Variants in DMD observed in about 807,000 individuals in gnomAD.
DMD encodes dystrophin, also known as mutant dystrophin.
DMD carries 63 observed loss-of-function variants against 330.1 expected under a neutral mutation model. The ratio of observed to expected loss-of-function variants is 0.19; its 90% confidence interval spans 0.16 to 0.24. The LOEUF (loss-of-function observed/expected upper bound fraction) is 0.24, where lower values mean the gene tolerates loss of function less well. Ranked by LOEUF, DMD falls within the 10% of genes least tolerant of loss-of-function variation. The pLI is 1.00. For synonymous variants in DMD, 1,223 were observed against 959.8 expected, an observed-to-expected ratio of 1.27 and a Z score of -5.07; for missense variants, 3,344 against 2,684.1, an observed-to-expected ratio of 1.25 and a Z score of -5.43.
chrX:31,605,824 C>G (rs1226771887), intron 55 of DMD, among the ~76,000 whole-genome samples: 1 of 111,796 alleles, frequency 8.9e-6, no homozygotes, highest in Non-Finnish European at 1.9e-5. Flanking sequence ...TAGATATTCT[C>G]TACTAGTTGA....
intron 14 of DMD, 39 bp downstream of exon 14, chrX:32,573,706 C>A: frequency 8.4e-7 from 1 of 1,191,655 alleles, no homozygotes; most frequent in African/African-American, 1.7e-5. Context: ...TTAATATCCC[C>A]CCGTGTCTTT....
chrX:33,020,587 T>C (rs758032514), intron 1 of DMD, among the ~76,000 whole-genome samples: 2 of 111,442 alleles, frequency 1.8e-5, no homozygotes, highest in South Asian at 7.7e-4. Flanking sequence ...GGCAGGAGAA[T>C]CATTTGAATC....
At chrX:32,842,782 A>T (rs1018341166) in intron 4 of DMD, among the ~76,000 whole-genome samples, 2 of 109,513 alleles carry the variant, frequency 1.8e-5, no homozygotes, top group Non-Finnish European at 3.8e-5. Context: ...ATAGTATTGT[A>T]TTTCATGCTG....
intron 54 of DMD, among the ~76,000 whole-genome samples, chrX:31,647,879 C>A (rs1386756031): frequency 4.5e-5 from 5 of 112,157 alleles, no homozygotes; most frequent in Admixed American, 3.8e-4. Context: ...CACACAACTA[C>A]TGCTTTGAAT....
At chrX:32,648,436 T>G (rs778070589) in intron 9 of DMD, among the ~76,000 whole-genome samples, 67 of 111,957 alleles carry the variant, frequency 6.0e-4, no homozygotes, top group Non-Finnish European at 1.1e-3. Context: ...TGTTAGTAGG[T>G]TATGACTAGG....
chrX:32,959,344 A>G (rs1282676059), intron 2 of DMD, among the ~76,000 whole-genome samples: 2 of 111,164 alleles, frequency 1.8e-5, no homozygotes, highest in Non-Finnish European at 3.8e-5. Flanking sequence ...ATGACCCTAG[A>G]TCCAGGGACT....
chrX:31,273,385 A>G (rs1272364676), intron 62 of DMD, among the ~76,000 whole-genome samples: 1 of 112,403 alleles, frequency 8.9e-6, no homozygotes, highest in East Asian at 2.8e-4. Flanking sequence ...AGAAGTAGTC[A>G]TCTGTTACTG....
In DMD at chrX:31,913,409, G is replaced by T. The variant is rs575204740; in HGVS notation, c.6912+16187C>A. 4.5e-5 allele frequency among the ~76,000 whole-genome samples: 5 copies of T among 111,424 alleles called. 1 individual carries two copies. Among genetic ancestry groups the T allele is most frequent in the African/African-American group, 1.6e-4 (5 of 30,694 alleles). ...TTCTACATTGGCTATACCAGACTAC[G>T]TGATATACTAGTATGCTATTTTACC... On this transcript the variant is annotated intron_variant, in intron 47 of 78. Coordinates refer to ENST00000357033, the MANE Select transcript of DMD (RefSeq NM_004006.3).
At chrX:32,840,185 A>G (rs984443703) in intron 4 of DMD, among the ~76,000 whole-genome samples, 9 of 111,745 alleles carry the variant, frequency 8.1e-5, no homozygotes, top group African/African-American at 1.3e-4. Context: ...AGCATTGTTA[A>G]TATCTGCTTT....
intron 2 of DMD, among the ~76,000 whole-genome samples, chrX:32,964,721 C>G (rs190489316): frequency 1.8e-5 from 2 of 111,085 alleles, no homozygotes; most frequent in East Asian, 5.7e-4. Context: ...AACAAAAAAT[C>G]AAAACAAAAC....
At chrX:31,751,012 G>T (rs1235814958) in intron 51 of DMD, among the ~76,000 whole-genome samples, 1 of 108,894 alleles carries the variant, frequency 9.2e-6, no homozygotes, top group Non-Finnish European at 1.9e-5. Flanking sequence ...CAAACAAATG[G>T]AAGAACATTC....
intron 42 of DMD, among the ~76,000 whole-genome samples, chrX:32,300,347 A>G (rs2097517729): frequency 8.9e-6 from 1 of 111,807 alleles, no homozygotes. Context: ...AGAAGTCCAC[A>G]TGCATTTCCT....
chrX:33,194,229 T>G (rs2050804850), intron 1 of DMD, among the ~76,000 whole-genome samples: 1 of 110,811 alleles, frequency 9.0e-6, no homozygotes, highest in Admixed American at 9.8e-5. Flanking sequence ...GAATTAGAAC[T>G]CTACTCTTTT....
At chrX:32,037,794 T>A (rs182439418) in intron 44 of DMD, among the ~76,000 whole-genome samples, 1 of 112,170 alleles carries the variant, frequency 8.9e-6, no homozygotes, top group Admixed American at 9.5e-5. Flanking sequence ...AATGATGTTA[T>A]CATTGAATCT....
chrX:31,440,092 G>A (rs1358432471), intron 60 of DMD, among the ~76,000 whole-genome samples: 1 of 109,394 alleles, frequency 9.1e-6, no homozygotes, highest in Admixed American at 9.8e-5. Context: ...GAAGATACAT[G>A]TAAAAAAGTG....
intron 48 of DMD, among the ~76,000 whole-genome samples, chrX:31,868,429 C>A (rs1452614137): frequency 9.0e-6 from 1 of 111,501 alleles, no homozygotes; most frequent in Non-Finnish European, 1.9e-5. Flanking sequence ...ACCGAGTATT[C>A]TTATTTTCAT....
chrX:32,441,435 G>A, intron 27 of DMD, 121 bp from the exon 28 acceptor site: 1 of 684,296 alleles, frequency 1.5e-6, no homozygotes, highest in Non-Finnish European at 2.2e-6. Context: ...CCTTTACTTT[G>A]TAGCAGGTAA....
At chrX:32,633,353 G>A (rs932114716) in intron 11 of DMD, among the ~76,000 whole-genome samples, 3 of 111,670 alleles carry the variant, frequency 2.7e-5, no homozygotes, top group African/African-American at 9.8e-5. Flanking sequence ...ATTTACTCCA[G>A]TTGCCAATAA....
intron 44 of DMD, among the ~76,000 whole-genome samples, chrX:32,058,033 A>G (rs2096192474): frequency 9.0e-6 from 1 of 111,433 alleles, no homozygotes; most frequent in African/African-American, 3.3e-5. Context: ...CATTGCAAAG[A>G]ATGGAATTGG....
Sources: allele counts gnomAD v4.1 joint callset (sites outside exome capture counted in the v4.1 genomes callset), GRCh38; gene constraint gnomAD v4.1.1; transcripts MANE v1.5; gene names NCBI Gene and HGNC (gene_info 2026-07-23, HGNC 2026-07-21).